The following GRID2 variants were observed in gnomAD, a reference collection of about 807,000 sequenced individuals.
GRID2 encodes glutamate ionotropic receptor delta type subunit 2, also known as glutamate receptor ionotropic, delta-2.
GRID2 carries 33 observed loss-of-function variants against 114.8 expected under a neutral mutation model. The observed-to-expected ratio is 0.29, with a 90% CI of 0.22 to 0.38. The LOEUF is 0.38. Ranked by LOEUF, GRID2 falls within the 10% of genes least tolerant of loss-of-function variation. GRID2 has a pLI of 1.00. For synonymous variants in GRID2, 505 were observed against 449.9 expected, an observed-to-expected ratio of 1.12 and a Z score of -1.55; for missense variants, 1,184 against 1,257.7, an observed-to-expected ratio of 0.94 and a Z score of 0.89.
chr4:92,944,661 C>T (rs1382592956), intron 2 of GRID2, among the ~76,000 whole-genome samples: 1 of 152,200 alleles, frequency 6.6e-6, no homozygotes, highest in African/African-American at 2.4e-5. Context: ...TCACTGGGAG[C>T]TGTAGACTGG....
intron 1 of GRID2, among the ~76,000 whole-genome samples, chr4:92,513,882 C>G (rs1352861194): frequency 6.6e-6 from 1 of 151,822 alleles, no homozygotes; most frequent in East Asian, 1.9e-4. Flanking sequence ...GTGTAGACCT[C>G]TAATTAGAAA....
At chr4:93,117,221 C>G in intron 4 of GRID2, among the ~76,000 whole-genome samples, 1 of 151,976 alleles carries the variant, frequency 6.6e-6, no homozygotes, top group East Asian at 1.9e-4. Context: ...GTAGTGCTAG[C>G]TTTTGCATGT....
chr4:92,855,763 AT>A (rs556009878), intron 2 of GRID2, among the ~76,000 whole-genome samples: 10 of 151,988 alleles, frequency 6.6e-5, no homozygotes, highest in Non-Finnish European at 1.5e-4. Flanking sequence ...TATAATATGA[AT>A]TATTTTTATC....
At chr4:93,066,325 A>G (rs922522536) in intron 2 of GRID2, among the ~76,000 whole-genome samples, 4 of 151,988 alleles carry the variant, frequency 2.6e-5, no homozygotes, top group Non-Finnish European at 4.4e-5. Flanking sequence ...TTTGGTCACT[A>G]AATAGACCAT....
At chr4:93,595,937 G>A (rs13128505) in intron 13 of GRID2, among the ~76,000 whole-genome samples, 28,874 of 151,968 alleles carry the variant, frequency 0.19, 3,201 homozygotes, top group Middle Eastern at 0.32. Context: ...TTGCCTTGTC[G>A]CTAGTGTTCA....
At chr4:93,362,005 C>G in intron 8 of GRID2, among the ~76,000 whole-genome samples, 1 of 152,004 alleles carries the variant, frequency 6.6e-6, no homozygotes, top group South Asian at 2.1e-4. Flanking sequence ...CCCCACCCCA[C>G]AGGCCCCAGT....
chr4:93,614,258 A>G (rs1348304597), intron 13 of GRID2, among the ~76,000 whole-genome samples: 1 of 152,076 alleles, frequency 6.6e-6, no homozygotes, highest in African/African-American at 2.4e-5. Flanking sequence ...GGAAATGCAG[A>G]AATCACCCGT....
chr4:93,072,077 G>A (rs965357458), intron 2 of GRID2, among the ~76,000 whole-genome samples: 2 of 152,116 alleles, frequency 1.3e-5, no homozygotes, highest in African/African-American at 4.8e-5. Context: ...ACTTAAGTAT[G>A]TTATAGGAAT....
chr4:92,734,761 C>A, intron 2 of GRID2, among the ~76,000 whole-genome samples: 1 of 145,526 alleles, frequency 6.9e-6, no homozygotes, highest in African/African-American at 2.5e-5. Flanking sequence ...GGTTATATTT[C>A]TTTTTTTTAG....
intron 2 of GRID2, among the ~76,000 whole-genome samples, chr4:93,042,639 A>ATC (rs1725682765): frequency 6.9e-6 from 1 of 145,104 alleles, no homozygotes; most frequent in South Asian, 2.2e-4. Context: ...ATATATATAT[A>ATC]TATTTCTATC....
chr4:92,425,235 G>T (rs188604929), intron 1 of GRID2, among the ~76,000 whole-genome samples: 1 of 152,068 alleles, frequency 6.6e-6, no homozygotes, highest in Admixed American at 6.6e-5. Context: ...CATCTTTGAA[G>T]TGTGCTAAAG....
intron 2 of GRID2, among the ~76,000 whole-genome samples, chr4:93,030,957 G>A (rs993136494): frequency 6.6e-6 from 1 of 151,390 alleles, no homozygotes; most frequent in South Asian, 2.1e-4. Context: ...TTCTTGTTAT[G>A]AGCATTTATT....
At chr4:92,502,705 C>A (rs1182611768) in intron 1 of GRID2, among the ~76,000 whole-genome samples, 1 of 63,938 alleles carries the variant, frequency 1.6e-5, no homozygotes, top group Non-Finnish European at 2.7e-5. Context: ...CATGTGATTT[C>A]TTTTTTTTTT....
chr4:92,318,308 ATT>A (rs201137595), intron 1 of GRID2, among the ~76,000 whole-genome samples: 2,410 of 130,572 alleles, frequency 0.018, 42 homozygotes, highest in East Asian at 0.11. Context: ...ATATATATAT[ATT>A]TTTTTTTTTT....
At chr4:92,887,058 T>G (rs1468633609) in intron 2 of GRID2, among the ~76,000 whole-genome samples, 2 of 152,262 alleles carry the variant, frequency 1.3e-5, no homozygotes, top group Admixed American at 1.3e-4. Flanking sequence ...ACTCTACATA[T>G]GATTTCTGTA....
rs147274630 is a variant in GRID2 at position 92,802,405 on chromosome 4, A to G, written c.244+212119A>G. Among the ~76,000 whole-genome samples the G allele has an allele frequency of 1.3e-3, 198 of 152,044 alleles. 1 individual carries two copies. Among genetic ancestry groups the G allele is most frequent in the African/African-American group, 4.2e-3 (176 of 41,510 alleles). Reference sequence around the variant, plus strand: ...CATATATCCACCATTATAGTGTTATACGAAATTGTTTCACTGCCCTAAAAA... The same window carrying G: ...CATATATCCACCATTATAGTGTTATGCGAAATTGTTTCACTGCCCTAAAAA... On this transcript the variant is annotated intron_variant, in intron 2 of 15. Transcript: ENST00000282020.
At chr4:92,713,610 A>G (rs1735389148) in intron 2 of GRID2, among the ~76,000 whole-genome samples, 1 of 150,408 alleles carries the variant, frequency 6.6e-6, no homozygotes, top group African/African-American at 2.4e-5. Flanking sequence ...GGCAATTTGC[A>G]AAAGAAAGAG....
chr4:93,275,431 C>CATATATATATATATATATATAT (rs3078736), intron 8 of GRID2, among the ~76,000 whole-genome samples: 7 of 147,958 alleles, frequency 4.7e-5, no homozygotes, highest in African/African-American at 1.7e-4. Flanking sequence ...TGGATATATA[C>CATATATATATATATATATATAT]ATATATATAT....
chr4:92,985,772 G>C (rs1578678443), intron 2 of GRID2, among the ~76,000 whole-genome samples: 1 of 152,218 alleles, frequency 6.6e-6, no homozygotes, highest in Non-Finnish European at 1.5e-5. Context: ...TTCCGCTTAT[G>C]ATTGAGTCAG....
Sources: allele counts gnomAD v4.1 joint callset (sites outside exome capture counted in the v4.1 genomes callset), GRCh38; gene constraint gnomAD v4.1.1; transcripts MANE v1.5; gene names NCBI Gene and HGNC (gene_info 2026-07-23, HGNC 2026-07-21).